Variants in PTK2B observed in about 807,000 individuals in gnomAD.
The protein encoded by PTK2B is protein tyrosine kinase 2 beta, also known as protein-tyrosine kinase 2-beta.
PTK2B carries 71 observed loss-of-function variants against 142.9 expected under a neutral mutation model. The ratio of observed to expected loss-of-function variants is 0.50; its 90% CI spans 0.41 to 0.61. The LOEUF (loss-of-function observed/expected upper bound fraction) is 0.61, where lower values mean the gene tolerates loss of function less well. Among genes scored for constraint, PTK2B ranks in the 20% least tolerant of loss-of-function variants. The pLI is 0.00. For missense variants in PTK2B, 1,105 were observed against 1,320.4 expected (o/e 0.84, Z 2.53); for synonymous variants, 519 against 503.4 (o/e 1.03, Z -0.42).
chr8:27,417,970 T>G (rs1809504648), intron 2 of PTK2B, among the ~76,000 whole-genome samples: 1 of 151,948 alleles, frequency 6.6e-6, no homozygotes, highest in African/African-American at 2.4e-5. Flanking sequence ...GAGAAATGGG[T>G]AGAGAGGATG....
At chr8:27,444,178 G>A (rs543395688) in intron 22 of PTK2B, 28 bp from the exon 23 acceptor site, 1 of 1,594,406 alleles carries the variant, frequency 6.3e-7, no homozygotes, top group East Asian at 2.2e-5. Context: ...GAGGGACAGA[G>A]ACTGACCCAT....
chr8:27,435,547 G>C (rs1337211977), intron 13 of PTK2B, among the ~76,000 whole-genome samples, 196 bp from the exon 14 acceptor site: 2 of 152,250 alleles, frequency 1.3e-5, no homozygotes, highest in East Asian at 3.8e-4. Context: ...GGGAAGCAGA[G>C]AGCAGGGAGT....
intron 2 of PTK2B, among the ~76,000 whole-genome samples, chr8:27,408,640 C>T (rs191316314): frequency 6.9e-4 from 105 of 152,280 alleles, no homozygotes; most frequent in Non-Finnish European, 1.3e-3. Context: ...AAGCCAAAAG[C>T]CTTGGCCCCC....
At chr8:27,323,411 CCTT>C (rs1335905584), upstream of PTK2B, 7 of 152,354 alleles carry the variant, frequency 4.6e-5, no homozygotes, top group East Asian at 5.8e-4. Flanking sequence ...ACAGTTTTCT[CCTT>C]CTTCTGATCC....
Position 27,434,529 on chromosome 8 carries a change from C to T in PTK2B, c.1162C>T (p.Arg388Trp), listed in dbSNP as rs751045138. ...QIPMLNLEAR[R>W]SHLSESCSIE... ...CTCCTACAGAAACCTGGAGGCCCGG[C>T]GGTCCCACCTCTCAGAGAGCTGCAG... The change falls in exon 13 of 31, where the codon CGG (arginine) becomes TGG (tryptophan). Residue 388 changes from arginine to tryptophan, a missense_variant. By Grantham distance (101) the Arg-to-Trp change is moderately radical (BLOSUM62 -3). Transcript: ENST00000346049. 9.3e-6 allele frequency: 15 copies of T among 1,608,440 alleles called. No homozygotes were observed. Among genetic ancestry groups the T allele is most frequent in the Admixed American group, 3.4e-5 (2 of 59,632 alleles).
intron 27 of PTK2B, chr8:27,452,220 A>C (rs778411576): frequency 6.6e-6 from 1 of 152,254 alleles, no homozygotes; most frequent in Non-Finnish European, 1.5e-5. Context: ...ACAAATGAAA[A>C]TTAAGGCTCG....
chr8:27,314,877 G>A (rs1053609876), intron 3 of PTK2B, among the ~76,000 whole-genome samples: 1 of 152,210 alleles, frequency 6.6e-6, no homozygotes, highest in Admixed American at 6.5e-5. Context: ...GGAGGTGGCA[G>A]TGAGTCGAGA....
At chr8:27,397,346 T>C (rs766444533) in intron 1 of PTK2B, 16 of 545,122 alleles carry the variant, frequency 2.9e-5, no homozygotes, top group Non-Finnish European at 3.6e-5. Flanking sequence ...GTTTCATACC[T>C]GGATGCTTCT....
intron 10 of PTK2B, 47 bp downstream of exon 10, chr8:27,432,408 T>C (rs748835098): frequency 1.3e-5 from 20 of 1,567,108 alleles, no homozygotes; most frequent in Non-Finnish European, 1.7e-5. Flanking sequence ...GCAGGGGGTA[T>C]AATGGCAGAT....
chr8:27,397,497 T>C, intron 1 of PTK2B, 51 bp from the exon 2 acceptor site: 1 of 1,379,680 alleles, frequency 7.2e-7, no homozygotes, highest in Admixed American at 1.7e-5. Flanking sequence ...CCATGAGGTA[T>C]GTGGGCCTGT....
intron 1 of PTK2B, among the ~76,000 whole-genome samples, chr8:27,349,704 T>C (rs1253780759): frequency 6.6e-6 from 1 of 152,242 alleles, no homozygotes; most frequent in Non-Finnish European, 1.5e-5. Flanking sequence ...TGTACACATT[T>C]TGAGATGTTT....
intron 3 of PTK2B, among the ~76,000 whole-genome samples, chr8:27,318,201 A>G (rs947219679): frequency 6.6e-6 from 1 of 152,128 alleles, no homozygotes; most frequent in Non-Finnish European, 1.5e-5. Flanking sequence ...TTTCCTGTCT[A>G]GAAGTTCTTC....
At position 27,442,984 on chromosome 8, in the gene PTK2B, G is replaced by T; in HGVS notation, c.2148+1G>T. ...AGCCTTCCAGGAACCCCCACCCAAG[G>T]TAAGCCAAGCCATGGCCTCATAAGT... On this transcript the variant is annotated splice_donor_variant, in intron 22 of 30. Coordinates refer to ENST00000346049, the MANE Select transcript of PTK2B (RefSeq NM_173176.3). LOFTEE classifies it high-confidence loss of function. 6.2e-7 allele frequency: 1 copy of T among 1,610,972 alleles called. No individual in the cohort carries two copies. The highest frequency in any genetic ancestry group is 8.5e-7 in the Non-Finnish European group (1 of 1,177,170).
At chr8:27,431,237 G>A (rs1249389136) in intron 8 of PTK2B, 161 bp from the exon 9 acceptor site, 1 of 1,508,818 alleles carries the variant, frequency 6.6e-7, no homozygotes, top group African/African-American at 1.4e-5. Flanking sequence ...GGACAGGCAA[G>A]GTGTCAGGAG....
At position 27,431,410 on chromosome 8, in the gene PTK2B, AT is replaced by A. The variant is rs1336737176; in HGVS notation, c.825del (p.Thr276LeufsTer14). 1.2e-6 allele frequency: 2 copies of A among 1,614,102 alleles called. No homozygotes were observed. Among genetic ancestry groups the A allele is most frequent in the Non-Finnish European group, 1.7e-6 (2 of 1,180,054 alleles). On this transcript the variant is annotated frameshift_variant, in exon 9 of 31. Coordinates refer to ENST00000346049, the MANE Select transcript of PTK2B (RefSeq NM_173176.3). LOFTEE classifies it high-confidence loss of function. ...CCTTTTATTCCAGCAAGGATGGAAC[AT>A]TACTGTGGACCTGGTCATTGGCCCT... ...YRCELIQGWN[I>X]TVDLVIGPKG...
intron 2 of PTK2B, among the ~76,000 whole-genome samples, chr8:27,403,977 T>A (rs1042456134): frequency 6.6e-6 from 1 of 151,542 alleles, no homozygotes; most frequent in Non-Finnish European, 1.5e-5. Flanking sequence ...TCTGTCTATC[T>A]CTCCTTCCTT....
chr8:27,385,337 G>A (rs1408908001), intron 1 of PTK2B, among the ~76,000 whole-genome samples: 3 of 152,178 alleles, frequency 2.0e-5, no homozygotes, highest in African/African-American at 7.2e-5. Flanking sequence ...ATCATGGGGT[G>A]GCAAAGGACC....
At chr8:27,378,937 G>A (rs1030932175) in intron 1 of PTK2B, among the ~76,000 whole-genome samples, 6 of 152,102 alleles carry the variant, frequency 3.9e-5, no homozygotes, top group Non-Finnish European at 7.4e-5. Context: ...TGAACAAAGA[G>A]CTAAAGGAAG....
chr8:27,320,780 A>T (rs1803193804), upstream of PTK2B, among the ~76,000 whole-genome samples: 1 of 151,986 alleles, frequency 6.6e-6, no homozygotes, highest in Non-Finnish European at 1.5e-5. Flanking sequence ...TTCTTTATGT[A>T]GGCATGACTG....
Sources: gnomAD v4.1 joint callset for allele counts (sites outside exome capture counted in the v4.1 genomes callset) on GRCh38, gnomAD v4.1.1 for gene constraint, MANE v1.5 for transcripts, NCBI Gene and HGNC (gene_info 2026-07-23, HGNC 2026-07-21) for gene names.